CFAP54: variants seen among roughly 807,000 people sequenced by gnomAD.
The protein encoded by CFAP54 is cilia and flagella associated protein 54.
CFAP54 carries 290 observed loss-of-function variants against 370.4 expected under a neutral mutation model. That is an observed-to-expected ratio of 0.78 (90% confidence interval 0.71 to 0.86). CFAP54 has a LOEUF of 0.86. Among genes scored for constraint, CFAP54 ranks in the 40% least tolerant of loss-of-function variants. The pLI is 0.00. For synonymous variants in CFAP54, 1,206 were observed against 1,236.5 expected, an observed-to-expected ratio of 0.98 and a Z score of 0.52; for missense variants, 3,399 against 3,528.7, an observed-to-expected ratio of 0.96 and a Z score of 0.93.
At chr12:96,803,929 A>G (rs758840858) in intron 63 of CFAP54, among the ~76,000 whole-genome samples, 1 of 152,158 alleles carries the variant, frequency 6.6e-6, no homozygotes, top group African/African-American at 2.4e-5. Flanking sequence ...AGCATTCAAA[A>G]TATTGGTTTG....
Position 96,491,564 on chromosome 12 carries a change from A to G in CFAP54, c.317+1638A>G, listed in dbSNP as rs76143744. Among the ~76,000 whole-genome samples, 517 of 152,314 alleles carry G rather than the reference A, an allele frequency of 3.4e-3. 5 individuals are homozygous for G. Among genetic ancestry groups the G allele is most frequent in the African/African-American group, 0.012 (489 of 41,548 alleles). On this transcript the variant is annotated intron_variant, in intron 1 of 67. Transcript: ENST00000524981. ...GCTCCAGCATGGACAGGGAGAGGCA[A>G]TAAGAAGAAACCAACAGAGACTAAG...
intron 63 of CFAP54, among the ~76,000 whole-genome samples, chr12:96,800,476 C>A (rs931531260): frequency 6.6e-6 from 1 of 152,224 alleles, no homozygotes; most frequent in East Asian, 1.9e-4. Context: ...TCCCCTTTGA[C>A]AATAAGCATG....
intron 1 of CFAP54, among the ~76,000 whole-genome samples, chr12:96,493,084 A>G (rs192291294): frequency 1.3e-5 from 2 of 152,318 alleles, no homozygotes; most frequent in East Asian, 1.9e-4. Flanking sequence ...GTCTATAAGT[A>G]CAGAATCTGC....
intron 63 of CFAP54, among the ~76,000 whole-genome samples, chr12:96,802,659 C>T (rs1390154209): frequency 6.6e-6 from 1 of 151,942 alleles, no homozygotes; most frequent in African/African-American, 2.4e-5. Context: ...TATTATTATA[C>T]TTTAAGTTCT....
chr12:96,703,829 C>G (rs777102559), intron 46 of CFAP54, among the ~76,000 whole-genome samples: 1 of 152,082 alleles, frequency 6.6e-6, no homozygotes, highest in Non-Finnish European at 1.5e-5. Flanking sequence ...CAGACTCTTT[C>G]AATTTTCTCA....
At chr12:96,849,881 A>C (rs991211063) in intron 66 of CFAP54, among the ~76,000 whole-genome samples, 1 of 152,212 alleles carries the variant, frequency 6.6e-6, no homozygotes, top group African/African-American at 2.4e-5. Flanking sequence ...ACTAATTCAC[A>C]GTCTTTTATC....
chr12:96,621,479 T>G, intron 26 of CFAP54, 111 bp from the exon 27 acceptor site: 1 of 700,328 alleles, frequency 1.4e-6, no homozygotes, highest in Non-Finnish European at 2.0e-6. Flanking sequence ...AAAAGGGGGA[T>G]TCTTAGACTG....
chr12:96,564,383 A>G (rs372764865), intron 17 of CFAP54, 85 bp from the exon 18 acceptor site: 17 of 555,750 alleles, frequency 3.1e-5, no homozygotes, highest in Admixed American at 6.5e-5. Flanking sequence ...CAGTAGCTTT[A>G]TGAATAGTTA....
At chr12:96,752,045 C>T (rs534100236) in intron 55 of CFAP54, among the ~76,000 whole-genome samples, 6 of 142,168 alleles carry the variant, frequency 4.2e-5, no homozygotes, top group East Asian at 4.2e-4. Flanking sequence ...GCTGCCATCC[C>T]GCCTGGTTCA....
intron 2 of CFAP54, among the ~76,000 whole-genome samples, chr12:96,502,379 T>C (rs561506892): frequency 1.8e-5 from 2 of 109,362 alleles, no homozygotes; most frequent in African/African-American, 3.8e-5. Context: ...CTGGGTAACA[T>C]GGCGAAACAC....
chr12:96,541,597 CT>C (rs1955573777), intron 14 of CFAP54, among the ~76,000 whole-genome samples: 1 of 152,144 alleles, frequency 6.6e-6, no homozygotes, highest in African/African-American at 2.4e-5. Flanking sequence ...CCTCTCCTCT[CT>C]TTTATCTTCC....
rs371458916 is a variant in CFAP54 at position 96,633,088 on chromosome 12, T to C, written c.4316+2437T>C. Among the ~76,000 whole-genome samples, 5 of 152,192 alleles carry C rather than the reference T, an allele frequency of 3.3e-5. No homozygotes were observed. In the South Asian group the frequency reaches 1.0e-3, roughly 31 times the overall value. ...ACTGATCTTCTAAACAACTTGATAA[T>C]TTATTTGTAGATACAGTTTTTTTGT... On this transcript the variant is annotated intron_variant, in intron 32 of 67. Transcript: ENST00000524981.
chr12:96,738,215 C>T (rs1207369532), intron 50 of CFAP54, among the ~76,000 whole-genome samples: 1 of 152,106 alleles, frequency 6.6e-6, no homozygotes, highest in Non-Finnish European at 1.5e-5. Flanking sequence ...GAAGCCATGG[C>T]AACTTCTGGG....
At chr12:96,528,444 A>G (rs138106808) in intron 9 of CFAP54, among the ~76,000 whole-genome samples, 244 of 152,252 alleles carry the variant, frequency 1.6e-3, no homozygotes, top group Non-Finnish European at 2.2e-3. Flanking sequence ...ACAAGGTCAT[A>G]TTAGCCTCAT....
chr12:96,783,742 C>T lies in CFAP54; in HGVS notation c.8282-975C>T, dbSNP rs145918870. Among the ~76,000 whole-genome samples, 247 of 152,220 alleles carry T rather than the reference C, an allele frequency of 1.6e-3. 7 individuals carry two copies. The East Asian group carries it at 0.044, about 27-fold the overall frequency. Reference sequence around the variant, plus strand: ...TTTCTACTAAAAACACAAAATTAGCCGGGCATGGTGGCGCATGCCTGTAAT... The same window carrying T: ...TTTCTACTAAAAACACAAAATTAGCTGGGCATGGTGGCGCATGCCTGTAAT... On this transcript the variant is annotated intron_variant, in intron 60 of 67. Coordinates refer to ENST00000524981, the MANE Select transcript of CFAP54 (RefSeq NM_001306084.2).
At chr12:96,597,322 G>A (rs1157879101) in intron 25 of CFAP54, among the ~76,000 whole-genome samples, 1 of 151,906 alleles carries the variant, frequency 6.6e-6, no homozygotes, top group Non-Finnish European at 1.5e-5. Context: ...AACCTACTGG[G>A]ACACAGTGTT....
At chr12:96,604,340 G>C (rs546308659) in intron 26 of CFAP54, among the ~76,000 whole-genome samples, 1 of 152,310 alleles carries the variant, frequency 6.6e-6, no homozygotes, top group African/African-American at 2.4e-5. Context: ...GTTCCAGAGG[G>C]GCACCTGCCT....
chr12:96,691,095 A>T, intron 43 of CFAP54, 33 bp from the exon 44 acceptor site: 1 of 1,589,414 alleles, frequency 6.3e-7, no homozygotes, highest in Non-Finnish European at 8.6e-7. Context: ...TGCTATCTAT[A>T]GCTCTTTATA....
At chr12:96,833,962 T>A (rs915716981) in intron 66 of CFAP54, among the ~76,000 whole-genome samples, 2 of 152,098 alleles carry the variant, frequency 1.3e-5, no homozygotes, top group African/African-American at 4.8e-5. Context: ...CACTGATACA[T>A]AGGAAAATTT....
Sources: allele counts gnomAD v4.1 joint callset (sites outside exome capture counted in the v4.1 genomes callset), GRCh38; gene constraint gnomAD v4.1.1; transcripts MANE v1.5; gene names NCBI Gene and HGNC (gene_info 2026-07-23, HGNC 2026-07-21).